TBCK: variants seen among roughly 807,000 people sequenced by gnomAD.
TBCK encodes TBC1 domain containing kinase.
A neutral mutation model predicts 113.4 loss-of-function variants in TBCK; 99 were observed. The observed-to-expected ratio is 0.87, with a 90% CI of 0.74 to 1.03. The LOEUF (loss-of-function observed/expected upper bound fraction) is 1.03, where lower values mean the gene tolerates loss of function less well. Among genes scored for constraint, TBCK ranks in the 50% least tolerant of loss-of-function variants. The pLI, the probability that TBCK is intolerant of heterozygous loss-of-function variation, is 0.00. For missense variants in TBCK, 1,045 were observed against 1,061.3 expected (o/e 0.98, Z 0.21); for synonymous variants, 369 against 370.8 (o/e 1.00, Z 0.05).
At chr4:106,158,430 G>A (rs935870932) in intron 23 of TBCK, among the ~76,000 whole-genome samples, 35 of 152,172 alleles carry the variant, frequency 2.3e-4, no homozygotes, top group African/African-American at 8.2e-4. Context: ...TAATCATGGT[G>A]AACATGAGTA....
intron 25 of TBCK, among the ~76,000 whole-genome samples, chr4:106,090,934 G>T (rs1458398819): frequency 6.6e-6 from 1 of 152,086 alleles, no homozygotes; most frequent in African/African-American, 2.4e-5. Context: ...TCATTTTCCT[G>T]TCTTCTTCTG....
chr4:106,222,523 G>A (rs368227480), intron 19 of TBCK, among the ~76,000 whole-genome samples: 1 of 152,122 alleles, frequency 6.6e-6, no homozygotes, highest in Non-Finnish European at 1.5e-5. Flanking sequence ...GCTAGGATAA[G>A]AAGATGAAAG....
chr4:106,064,671 C>G (rs189615981), intron 25 of TBCK, among the ~76,000 whole-genome samples: 1 of 151,828 alleles, frequency 6.6e-6, no homozygotes, highest in Non-Finnish European at 1.5e-5. Flanking sequence ...AAAATATTAT[C>G]TAGATATAGT....
chr4:106,117,188 T>G (rs2149572720), intron 23 of TBCK, among the ~76,000 whole-genome samples: 1 of 152,312 alleles, frequency 6.6e-6, no homozygotes, highest in East Asian at 1.9e-4. Flanking sequence ...GATTTCCTTA[T>G]GAGAGTGCTT....
At position 106,248,881 on chromosome 4, in the gene TBCK, T is replaced by C. The variant is rs201400796; in HGVS notation, c.720+40A>G. 17 of 1,502,990 alleles carry C rather than the reference T, an allele frequency of 1.1e-5. No homozygotes were observed. In the East Asian group the frequency reaches 2.1e-4, roughly 18 times the overall value. 93.1% of individuals were successfully genotyped at this position (1,502,990 alleles called of 1,614,324 possible). ...TTACCCAATATCAGGTATTTTGTTA[T>C]AGCAGCACAAATGGACTAAGACCCA... On this transcript the variant is annotated intron_variant, in intron 8 of 25. Coordinates refer to ENST00000394708, the MANE Select transcript of TBCK (RefSeq NM_001163435.3).
chr4:106,135,753 A>G (rs1746481782), intron 23 of TBCK, among the ~76,000 whole-genome samples: 1 of 141,976 alleles, frequency 7.0e-6, no homozygotes, highest in African/African-American at 2.5e-5. Context: ...AAACAAAGAT[A>G]CTTGTTCTTA....
At chr4:106,241,667 AT>A (rs1242278972) in intron 12 of TBCK, among the ~76,000 whole-genome samples, 1 of 152,044 alleles carries the variant, frequency 6.6e-6, no homozygotes, top group East Asian at 1.9e-4. Context: ...GACAAGGGGT[AT>A]TTTTTTAATC....
At chr4:106,144,902 A>C (rs1176412525) in intron 23 of TBCK, among the ~76,000 whole-genome samples, 1 of 151,988 alleles carries the variant, frequency 6.6e-6, no homozygotes, top group Non-Finnish European at 1.5e-5. Context: ...ATACGCCCAT[A>C]ATCCCAGCTA....
rs149362689 is a variant in TBCK at position 106,226,137 on chromosome 4, C to T, written c.1774+4226G>A. On this transcript the variant is annotated intron_variant, in intron 19 of 25. Coordinates refer to ENST00000394708, the MANE Select transcript of TBCK (RefSeq NM_001163435.3). Reference sequence around the variant, plus strand: ...TGAGATTGTGCCATGGCACTCTAACCTGGGTGAAAGAGCCAGACCTTGTAT... The same window carrying T: ...TGAGATTGTGCCATGGCACTCTAACTTGGGTGAAAGAGCCAGACCTTGTAT... Among the ~76,000 whole-genome samples the T allele has an allele frequency of 5.0e-3, 762 of 152,224 alleles. 4 individuals carry two copies. Among genetic ancestry groups the T allele is most frequent in the African/African-American group, 0.018 (733 of 41,534 alleles).
intron 23 of TBCK, among the ~76,000 whole-genome samples, chr4:106,129,296 T>C (rs1745595309): frequency 6.6e-6 from 1 of 152,092 alleles, no homozygotes; most frequent in Non-Finnish European, 1.5e-5. Context: ...TCTCCCTCTC[T>C]CCGCCCCCTG....
At chr4:106,148,153 G>A (rs920286277) in intron 23 of TBCK, among the ~76,000 whole-genome samples, 5 of 152,180 alleles carry the variant, frequency 3.3e-5, no homozygotes, top group Admixed American at 1.3e-4. Flanking sequence ...AATGGTGCCC[G>A]AAACTTCATT....
At chr4:106,291,854 T>C (rs745522454) in intron 3 of TBCK, among the ~76,000 whole-genome samples, 3 of 152,216 alleles carry the variant, frequency 2.0e-5, no homozygotes, top group African/African-American at 2.4e-5. Flanking sequence ...ACAGAGGATA[T>C]TGAGGCACAA....
intron 22 of TBCK, among the ~76,000 whole-genome samples, chr4:106,171,479 A>G (rs768903336): frequency 1.4e-4 from 21 of 152,226 alleles, no homozygotes; most frequent in Non-Finnish European, 2.9e-4. Context: ...TTGCTTATAT[A>G]TATTTGTAAA....
intron 1 of TBCK, chr4:106,309,973 G>C (rs1199687976): frequency 6.6e-6 from 1 of 152,100 alleles, no homozygotes; most frequent in Non-Finnish European, 1.5e-5. Context: ...GTAGCCTGGA[G>C]AGTAGGAAAC....
At chr4:106,119,109 C>T (rs1743930239) in intron 23 of TBCK, among the ~76,000 whole-genome samples, 2 of 152,124 alleles carry the variant, frequency 1.3e-5, no homozygotes, top group Admixed American at 6.5e-5. Flanking sequence ...AAAATTTCCA[C>T]TTAGAGGCAT....
intron 5 of TBCK, among the ~76,000 whole-genome samples, chr4:106,252,303 T>C (rs996097489): frequency 3.3e-5 from 5 of 152,104 alleles, no homozygotes; most frequent in African/African-American, 1.2e-4. Flanking sequence ...CCAAGTGTTT[T>C]TCCTTCCTTC....
At chr4:106,276,022 T>C (rs74966236) in intron 3 of TBCK, among the ~76,000 whole-genome samples, 4,397 of 152,170 alleles carry the variant, frequency 0.029, 91 homozygotes, top group East Asian at 0.046. Flanking sequence ...AGATTTACTA[T>C]AAAGCTATAA....
At position 106,049,093 on chromosome 4, in the gene TBCK, C is replaced by T. The variant is rs1056618275; in HGVS notation, c.2572-2413G>A. Among the ~76,000 whole-genome samples, 7 of 152,270 alleles carry T rather than the reference C, an allele frequency of 4.6e-5. No individual in the cohort carries two copies. In the East Asian group the frequency reaches 1.4e-3, roughly 29 times the overall value. On this transcript the variant is annotated intron_variant, in intron 25 of 25. Transcript: ENST00000394708. The stretch of plus-strand genomic sequence containing the variant: ...TGTTTTCAATTATCCATGTTAAATA[C>T]TGGCCCCTGGCAGTGAAACCACGAC...
chr4:106,210,724 G>A (rs1253046935), intron 20 of TBCK, among the ~76,000 whole-genome samples: 1 of 152,024 alleles, frequency 6.6e-6, no homozygotes, highest in Non-Finnish European at 1.5e-5. Context: ...AGTATTTGAT[G>A]AGTGATAATA....
Sources: gnomAD v4.1 joint callset for allele counts (sites outside exome capture counted in the v4.1 genomes callset) on GRCh38, gnomAD v4.1.1 for gene constraint, MANE v1.5 for transcripts, NCBI Gene and HGNC (gene_info 2026-07-23, HGNC 2026-07-21) for gene names.